Variants in SHC4 observed in about 807,000 individuals in gnomAD.
The protein encoded by SHC4 is SHC-transforming protein 4.
In SHC4, 41 loss-of-function variants were observed where a neutral mutation model predicts 69.4. That is an observed-to-expected ratio of 0.59 (90% CI 0.46 to 0.77). The LOEUF is 0.77. SHC4 is among the 30% of genes least tolerant of loss of function. The pLI is 0.00. For synonymous variants in SHC4, 318 were observed against 299.3 expected, an observed-to-expected ratio of 1.06 and a Z score of -0.64; for missense variants, 777 against 783.8, an observed-to-expected ratio of 0.99 and a Z score of 0.10.
chr15:48,862,666 G>A (rs895531345), intron 6 of SHC4, among the ~76,000 whole-genome samples: 1 of 152,086 alleles, frequency 6.6e-6, no homozygotes, highest in African/African-American at 2.4e-5. Context: ...GCCTTTCTAG[G>A]TGTACAAAAA....
At chr15:48,945,243 C>T (rs1901253664) in intron 1 of SHC4, among the ~76,000 whole-genome samples, 3 of 152,110 alleles carry the variant, frequency 2.0e-5, no homozygotes, top group Admixed American at 2.0e-4. Context: ...AAAAGCTCAA[C>T]CACTTGGGAA....
chr15:48,826,062 CTG>C lies in SHC4; in HGVS notation c.1800_1801del (p.Asn600LysfsTer14), dbSNP rs1898682145. 1.2e-6 allele frequency: 2 copies of C among 1,613,894 alleles called. No homozygotes were observed. Among genetic ancestry groups the C allele is most frequent in the Non-Finnish European group, 1.7e-6 (2 of 1,179,952 alleles). ...GCTTCCAGAGGAGATGATTGGCAAA[CTG>C]TTATCCATATGGTATCTGATAAGGT... is the stretch of plus-strand genomic sequence containing the variant. On this transcript the variant is annotated frameshift_variant, in exon 12 of 12. Coordinates refer to ENST00000332408, the MANE Select transcript of SHC4 (RefSeq NM_203349.4). LOFTEE classifies it high-confidence loss of function.
chr15:48,863,552 A>C (rs1025234471), intron 6 of SHC4, among the ~76,000 whole-genome samples: 1 of 152,238 alleles, frequency 6.6e-6, no homozygotes, highest in African/African-American at 2.4e-5. Context: ...TATCCTAATT[A>C]TTTCCTCAGA....
chr15:48,901,346 A>G (rs1411255287), intron 2 of SHC4, among the ~76,000 whole-genome samples: 1 of 152,152 alleles, frequency 6.6e-6, no homozygotes, highest in Non-Finnish European at 1.5e-5. Flanking sequence ...AGGATTGTTT[A>G]TACATATTTT....
chr15:48,900,002 C>G (rs1180918773), intron 2 of SHC4, among the ~76,000 whole-genome samples: 1 of 152,136 alleles, frequency 6.6e-6, no homozygotes. Context: ...TGCTCTATAG[C>G]TTAGACCAGA....
intron 10 of SHC4, among the ~76,000 whole-genome samples, chr15:48,837,348 AT>A (rs758353467): frequency 7.9e-5 from 12 of 152,174 alleles, no homozygotes; most frequent in Non-Finnish European, 1.5e-4. Flanking sequence ...ATAGATAACA[AT>A]TTGTTTATTT....
chr15:48,938,557 T>C (rs762207925), intron 1 of SHC4, among the ~76,000 whole-genome samples: 4 of 152,174 alleles, frequency 2.6e-5, no homozygotes, highest in Non-Finnish European at 2.9e-5. Flanking sequence ...TCCTGCCCCT[T>C]TGAAGTTGGG....
At chr15:48,847,900 G>A (rs1422118322) in intron 9 of SHC4, among the ~76,000 whole-genome samples, 1 of 151,602 alleles carries the variant, frequency 6.6e-6, no homozygotes. Context: ...TACTCAGGAG[G>A]CTGAGGCAGG....
rs1164718659 is a variant in SHC4 at position 48,936,572 on chromosome 15, C to T, written c.586-11623G>A. On this transcript the variant is annotated intron_variant, in intron 1 of 11. Coordinates refer to ENST00000332408, the MANE Select transcript of SHC4 (RefSeq NM_203349.4). ...CTGAACCAAGCTTGTGCCTGCTTCC[C>T]CTTTGCCTTCCACCATGATTGTAAG... Among the ~76,000 whole-genome samples the T allele has an allele frequency of 4.6e-5, 7 of 152,160 alleles. No individual in the cohort carries two copies. The East Asian group carries it at 1.3e-3, about 29-fold the overall frequency.
chr15:48,891,540 T>C (rs1900138107), intron 2 of SHC4, among the ~76,000 whole-genome samples: 4 of 152,362 alleles, frequency 2.6e-5, no homozygotes, highest in African/African-American at 9.6e-5. Flanking sequence ...CTTTTGTCTC[T>C]GGGACTCTGA....
chr15:48,957,140 G>A (rs1349958894), intron 1 of SHC4, among the ~76,000 whole-genome samples: 1 of 151,914 alleles, frequency 6.6e-6, no homozygotes, highest in Non-Finnish European at 1.5e-5. Context: ...AACATGCCCG[G>A]CTAATTTGTG....
At position 48,886,055 on chromosome 15, in the gene SHC4, G is replaced by A. The variant is rs555586539; in HGVS notation, c.721-1688C>T. Among the ~76,000 whole-genome samples the A allele has an allele frequency of 2.6e-5, 4 of 152,258 alleles. No individual in the cohort carries two copies. In the East Asian group the frequency reaches 7.7e-4, roughly 29 times the overall value. ...GAGCAGATCATGAAGTCAGGAGTTC[G>A]AGACCAGCGTGACCAACATGGTGAA... On this transcript the variant is annotated intron_variant, in intron 3 of 11. Coordinates refer to ENST00000332408, the MANE Select transcript of SHC4 (RefSeq NM_203349.4).
At chr15:48,919,650 T>C (rs1900705801) in intron 2 of SHC4, among the ~76,000 whole-genome samples, 1 of 152,080 alleles carries the variant, frequency 6.6e-6, no homozygotes, top group African/African-American at 2.4e-5. Flanking sequence ...ATGATGTCCA[T>C]GGTCATCTTC....
chr15:48,961,021 T>C (rs1901537826), intron 1 of SHC4, among the ~76,000 whole-genome samples: 2 of 152,224 alleles, frequency 1.3e-5, no homozygotes, highest in African/African-American at 4.8e-5. Context: ...AATGATCTGC[T>C]TAATCTCCCA....
chr15:48,832,957 T>C (rs377329562), intron 11 of SHC4, among the ~76,000 whole-genome samples: 2 of 152,346 alleles, frequency 1.3e-5, no homozygotes, highest in African/African-American at 2.4e-5. Flanking sequence ...GATGGTATTA[T>C]TGAGCTCATA....
chr15:48,875,708 G>C (rs8031335), intron 4 of SHC4, among the ~76,000 whole-genome samples: 24,147 of 152,146 alleles, frequency 0.16, 2,192 homozygotes, highest in East Asian at 0.28. Flanking sequence ...CAGGAAAGTG[G>C]AATCAGTCAT....
At chr15:48,866,392 G>T (rs1410822311) in intron 6 of SHC4, among the ~76,000 whole-genome samples, 1 of 152,102 alleles carries the variant, frequency 6.6e-6, no homozygotes, top group Non-Finnish European at 1.5e-5. Context: ...TCTTTTTGCT[G>T]CCACATTCTT....
intron 4 of SHC4, among the ~76,000 whole-genome samples, chr15:48,872,506 A>AG (rs1899699722): frequency 6.6e-6 from 1 of 152,240 alleles, no homozygotes; most frequent in Non-Finnish European, 1.5e-5. Context: ...CAAAGCTTCT[A>AG]GGGGCCATAT....
At chr15:48,934,772 C>T (rs986133865) in intron 1 of SHC4, among the ~76,000 whole-genome samples, 3 of 151,998 alleles carry the variant, frequency 2.0e-5, no homozygotes, top group Non-Finnish European at 2.9e-5. Context: ...CAATAAAAAG[C>T]GATCAAGTAT....
Sources: gnomAD v4.1 joint callset for allele counts (sites outside exome capture counted in the v4.1 genomes callset) on GRCh38, gnomAD v4.1.1 for gene constraint, MANE v1.5 for transcripts, NCBI Gene and HGNC (gene_info 2026-07-23, HGNC 2026-07-21) for gene names.